The following DHX32 variants were observed in gnomAD, a reference collection of about 807,000 sequenced individuals.
The protein encoded by DHX32 is DEAH-box helicase 32 (putative), also known as putative pre-mRNA-splicing factor ATP-dependent RNA helicase DHX32.
DHX32 carries 51 observed loss-of-function variants against 70.0 expected under a neutral mutation model. The observed-to-expected ratio is 0.73, with a 90% confidence interval of 0.58 to 0.92. DHX32 has a LOEUF of 0.92. Among genes scored for constraint, DHX32 ranks in the 40% least tolerant of loss-of-function variants. The pLI, the probability that DHX32 is intolerant of heterozygous loss-of-function variation, is 0.00. For missense variants in DHX32, 762 were observed against 891.8 expected (o/e 0.85, Z 1.85); for synonymous variants, 310 against 315.3 (o/e 0.98, Z 0.18).
chr10:125,856,131 T>G (rs1220293068), intron 3 of DHX32, among the ~76,000 whole-genome samples: 1 of 152,254 alleles, frequency 6.6e-6, no homozygotes, highest in Non-Finnish European at 1.5e-5. Context: ...ACATTTTGTT[T>G]ATTCATTTCC....
upstream of DHX32, among the ~76,000 whole-genome samples, chr10:125,883,415 C>T (rs1032339021): frequency 1.3e-5 from 2 of 152,180 alleles, no homozygotes; most frequent in African/African-American, 4.8e-5. Context: ...AAGATATTCC[C>T]ATGCTTGAAA....
chr10:125,857,233 A>C (rs1266478606), intron 3 of DHX32, among the ~76,000 whole-genome samples: 1 of 152,220 alleles, frequency 6.6e-6, no homozygotes, highest in East Asian at 1.9e-4. Context: ...CCATCAGTAT[A>C]CTGAATGGTG....
intron 6 of DHX32, among the ~76,000 whole-genome samples, chr10:125,848,016 C>T (rs1382062412): frequency 1.3e-5 from 2 of 152,282 alleles, no homozygotes; most frequent in African/African-American, 2.4e-5. Context: ...TTGGGGACCC[C>T]TGCATTAATG....
chr10:125,874,219 A>C (rs1324210504), intron 1 of DHX32, among the ~76,000 whole-genome samples: 1 of 152,258 alleles, frequency 6.6e-6, no homozygotes, highest in East Asian at 1.9e-4. Context: ...AAAACTCTGA[A>C]GAACAAGAAA....
rs56812944 is a variant in DHX32, at chr10:125,875,218, CA to C, written c.282+5324del. 6.7e-3 allele frequency among the ~76,000 whole-genome samples: 977 copies of C among 146,416 alleles called. 16 individuals are homozygous for C. The highest frequency in any genetic ancestry group is 0.049 in the South Asian group (225 of 4,620). ...TGGGTGACAGAATGAAACACTGTCT[CA>C]AAAAAAAAATTGCAATGATAAACCA... On this transcript the variant is annotated intron_variant, in intron 1 of 10. Transcript: ENST00000284690.
At chr10:125,839,409 C>T (rs775950813) in intron 8 of DHX32, among the ~76,000 whole-genome samples, 12 of 152,244 alleles carry the variant, frequency 7.9e-5, no homozygotes, top group Non-Finnish European at 1.6e-4. Flanking sequence ...CCGACAGCAC[C>T]CATGCCACCT....
In DHX32 at chr10:125,867,062, T is replaced by G; in HGVS notation, c.404A>C (p.Asp135Ala). Residue 135 changes from aspartate (D) to alanine (A), a missense_variant, in exon 2 of 11, where the codon GAT (aspartate) becomes GCT (alanine). This residue lies in a region of DHX32 where 394 missense variants were observed against 473.1 expected (regional missense o/e 0.83). Coordinates refer to ENST00000284690, the MANE Select transcript of DHX32 (RefSeq NM_018180.3). ...QLALRVADEM[D>A]VNIGHEVGYV... ...GCCAACCTCATGACCAATGTTAACA[T>G]CCATTTCATCCGCCACCCGCAGGGC... 6.2e-7 allele frequency: 1 copy of G among 1,614,154 alleles called. No individual in the cohort carries two copies. The highest frequency in any genetic ancestry group is 8.5e-7 in the Non-Finnish European group (1 of 1,180,026).
At chr10:125,863,072 TAA>T (rs1944199644) in intron 2 of DHX32, among the ~76,000 whole-genome samples, 1 of 151,386 alleles carries the variant, frequency 6.6e-6, no homozygotes. Flanking sequence ...TATAATAAAA[TAA>T]AGTTTTATTA....
At chr10:125,890,090 C>T (rs1589720588) in intron 1 of DHX32, among the ~76,000 whole-genome samples, 2 of 152,262 alleles carry the variant, frequency 1.3e-5, no homozygotes, top group African/African-American at 2.4e-5. Flanking sequence ...AATAGGCTCA[C>T]GTTGCATCAC....
At chr10:125,838,678 A>G (rs1480093025) in intron 9 of DHX32, among the ~76,000 whole-genome samples, 1 of 152,106 alleles carries the variant, frequency 6.6e-6, no homozygotes, top group Non-Finnish European at 1.5e-5. Flanking sequence ...GCTACCCACC[A>G]TACTATGGGC....
At chr10:125,893,306 C>T (rs1459412656) in intron 1 of DHX32, among the ~76,000 whole-genome samples, 7 of 152,138 alleles carry the variant, frequency 4.6e-5, no homozygotes, top group Non-Finnish European at 2.9e-5. Flanking sequence ...TACAGTGGCC[C>T]AATCTCGGCT....
Position 125,880,615 on chromosome 10 carries a change from G to A in DHX32, c.210C>T (p.Ser70=), listed in dbSNP as rs201630627. The A allele has an allele frequency of 6.8e-6, 11 of 1,614,040 alleles. No individual in the cohort carries two copies. The highest frequency in any genetic ancestry group is 3.3e-5 in the Admixed American group (2 of 60,002). ...EDLPIWKEKY[S]FMENLLQNQI... is the part of the protein sequence containing the mutation. ...GATTTTGAAGCAGGTTCTCCATAAA[G>A]GAGTATTTTTCTTTCCATATAGGAA... Residue 70 remains serine (S), a synonymous_variant, in exon 1 of 11, where the codon TCC becomes TCT. Transcript: ENST00000284690.
chr10:125,842,725 C>A, intron 6 of DHX32: 1 of 658,866 alleles, frequency 1.5e-6, no homozygotes, highest in Non-Finnish European at 1.9e-6. Context: ...TTAATCACAA[C>A]TGACCTGGAT....
chr10:125,895,774 G>A (rs1377801534), intron 1 of DHX32, among the ~76,000 whole-genome samples: 1 of 152,244 alleles, frequency 6.6e-6, no homozygotes, highest in South Asian at 2.1e-4. Context: ...ATCCAACCCG[G>A]GCCCCCTGCC....
intron 1 of DHX32, among the ~76,000 whole-genome samples, chr10:125,872,526 T>A (rs1035698463): frequency 2.0e-5 from 3 of 152,244 alleles, no homozygotes; most frequent in African/African-American, 7.2e-5. Flanking sequence ...TCATGTGATT[T>A]ATCCTGGGAG....
intron 6 of DHX32, among the ~76,000 whole-genome samples, chr10:125,849,786 A>G (rs1165403717): frequency 6.6e-6 from 1 of 152,202 alleles, no homozygotes; most frequent in Non-Finnish European, 1.5e-5. Context: ...TCATTTTGTA[A>G]ATTCCAAAGC....
rs372253510 is a variant in DHX32, at chr10:125,859,759, G to A, written c.693C>T (p.Asn231=). The change falls in exon 3 of 11, where the codon AAC becomes AAT. Residue 231 remains asparagine, a synonymous_variant. Transcript: ENST00000284690. ...TATTTTTCACTTCTATGACAGGCAC[G>A]TTTCCATAATAAGAATTGAGTTTGC... ...LISKLNSYYG[N]VPVIEVKNKH... The A allele has an allele frequency of 9.2e-5, 148 of 1,613,964 alleles. No individual in the cohort carries two copies. Among genetic ancestry groups the A allele is most frequent in the Admixed American group, 4.5e-4 (27 of 60,002 alleles).
intron 3 of DHX32, among the ~76,000 whole-genome samples, chr10:125,855,905 A>G (rs1220777919): frequency 6.6e-6 from 1 of 152,224 alleles, no homozygotes; most frequent in Non-Finnish European, 1.5e-5. Context: ...TCACTGAGCT[A>G]TTTTGGCTGT....
In DHX32 at chr10:125,860,752, A is replaced by T. The variant is rs1241910404; in HGVS notation, c.477-777T>A. On this transcript the variant is annotated intron_variant, in intron 2 of 10. Transcript: ENST00000284690. The stretch of plus-strand genomic sequence containing the variant: ...ATTACTGCTTGAAGAAACCAATCCC[A>T]TTTTTTTTTTTTTTTTTTTTTGAGA... Among the ~76,000 whole-genome samples the T allele has an allele frequency of 1.7e-3, 187 of 111,740 alleles. 2 individuals are homozygous for T. The highest frequency in any genetic ancestry group is 3.3e-3 in the Admixed American group (30 of 9,148). The allele number at this position is 111,740 out of a possible 152,430, so 73.3% of individuals were successfully genotyped here.
Sources: allele counts gnomAD v4.1 joint callset (sites outside exome capture counted in the v4.1 genomes callset), GRCh38; gene constraint gnomAD v4.1.1; regional missense constraint gnomAD v4.1.1; transcripts MANE v1.5; gene names NCBI Gene and HGNC (gene_info 2026-07-23, HGNC 2026-07-21).